The following CFAP47 variants were observed in gnomAD, a reference collection of about 807,000 sequenced individuals.
The protein encoded by CFAP47 is cilia and flagella associated protein 47, also known as cilia- and flagella-associated protein 47.
A neutral mutation model predicts 148.1 loss-of-function variants in CFAP47; 29 were observed. The observed-to-expected ratio is 0.20, with a 90% CI of 0.15 to 0.27. CFAP47 has a LOEUF of 0.27. CFAP47 is among the 10% of genes least tolerant of loss of function. The probability of loss-of-function intolerance (pLI) is 1.00; values close to 1 mark genes in which losing one functional copy is unlikely to be tolerated. For synonymous variants in CFAP47, 664 were observed against 577.3 expected (o/e 1.15, Z -2.15); for missense variants, 1,872 against 1,697.5 (o/e 1.10, Z -1.81).
In CFAP47 at chrX:35,997,328, C is replaced by G. The variant is rs1435505882; in HGVS notation, c.3116C>G (p.Ala1039Gly). ...CTAAATAAGGTTTCTATTCGTCATG[C>G]GAATGTTATAGACCTTAGGATTGGT... ...DTRAKVSIRH[A>G]NVIDLRIGGS... Residue 1039 changes from alanine to glycine, a missense_variant, in exon 19 of 64, where the codon GCG becomes GGG. Ala to Gly is a moderately conservative substitution (Grantham distance 60). Coordinates refer to ENST00000378653, the MANE Select transcript of CFAP47 (RefSeq NM_001304548.2). 3.4e-6 allele frequency: 1 copy of G among 294,720 alleles called. No homozygotes were observed. Among genetic ancestry groups the G allele is most frequent in the East Asian group, 4.8e-5 (1 of 20,854 alleles). The allele number at this position is 294,720 out of a possible 1,213,427, so 24.3% of individuals were successfully genotyped here. A position where few individuals can be genotyped will look rare whatever the true frequency, so the allele number is the denominator to read the frequency against.
intron 41 of CFAP47, 48 bp downstream of exon 41, chrX:36,188,738 A>C: frequency 3.4e-6 from 1 of 295,274 alleles, no homozygotes; most frequent in Non-Finnish European, 5.9e-6. Flanking sequence ...TCTGATTTTT[A>C]TATGCAAAGC....
chrX:36,376,923 C>T (rs1335842597), intron 62 of CFAP47, among the ~76,000 whole-genome samples: 1 of 109,612 alleles, frequency 9.1e-6, no homozygotes, highest in Non-Finnish European at 1.9e-5. Context: ...TGGTTTCTAG[C>T]TTCATCCGTG....
chrX:36,010,454 G>C (rs1335933875), intron 21 of CFAP47, among the ~76,000 whole-genome samples: 1 of 105,226 alleles, frequency 9.5e-6, no homozygotes, highest in Non-Finnish European at 1.9e-5. Context: ...CTAGTTTAAA[G>C]TTTTGTCGTT....
intron 26 of CFAP47, among the ~76,000 whole-genome samples, chrX:36,050,771 C>T (rs1937516518): frequency 8.9e-6 from 1 of 111,881 alleles, no homozygotes; most frequent in African/African-American, 3.3e-5. Flanking sequence ...TGTCAGAGAT[C>T]TTCACAGCAG....
intron 26 of CFAP47, among the ~76,000 whole-genome samples, chrX:36,053,040 T>G (rs770434722): frequency 8.9e-6 from 1 of 112,448 alleles, no homozygotes; most frequent in Non-Finnish European, 1.9e-5. Context: ...TTGGCAATGC[T>G]ACCTTAGGAA....
intron 19 of CFAP47, among the ~76,000 whole-genome samples, chrX:35,999,053 T>C (rs1656669515): frequency 8.9e-6 from 1 of 111,824 alleles, no homozygotes; most frequent in Non-Finnish European, 1.9e-5. Context: ...GGCTAAGGCA[T>C]TGACTATGTG....
chrX:36,209,328 T>G (rs782188475), intron 45 of CFAP47, among the ~76,000 whole-genome samples: 2 of 110,645 alleles, frequency 1.8e-5, no homozygotes, highest in Non-Finnish European at 3.8e-5. Flanking sequence ...ATTGAATTTC[T>G]TTAACTCACT....
At chrX:36,098,208 T>C (rs1938312181) in intron 30 of CFAP47, among the ~76,000 whole-genome samples, 1 of 112,099 alleles carries the variant, frequency 8.9e-6, no homozygotes, top group Admixed American at 9.5e-5. Context: ...TCTGAATTCC[T>C]TCTCCACGTT....
rs935642328 is a variant in CFAP47, at chrX:36,181,707, C to T, written c.6104+2285C>T. On this transcript the variant is annotated intron_variant, in intron 40 of 63. Transcript: ENST00000378653. ...TGATCCCAAATAGAGCAGTCAGGCT[C>T]ATGCAGATTAACTCTGCAAGAATAA... is the stretch of plus-strand genomic sequence containing the variant. Among the ~76,000 whole-genome samples the T allele has an allele frequency of 2.7e-5, 3 of 112,021 alleles. No homozygotes were observed. The Admixed American group carries it at 2.8e-4, about 11-fold the overall frequency.
intron 33 of CFAP47, among the ~76,000 whole-genome samples, chrX:36,128,004 G>T (rs761089565): frequency 9.0e-6 from 1 of 110,884 alleles, no homozygotes; most frequent in Admixed American, 9.6e-5. Flanking sequence ...CCGAGACGAT[G>T]GGGTTTTCTA....
At position 36,288,669 on chromosome X, in the gene CFAP47, G is replaced by A. The variant is rs782016694; in HGVS notation, c.7686+2943G>A. Among the ~76,000 whole-genome samples the A allele has an allele frequency of 2.7e-5, 3 of 111,633 alleles. No homozygotes were observed. The South Asian group carries it at 1.1e-3, about 42-fold the overall frequency. ...GATCCAGAAATCTCTCCACAAACTA[G>A]CAAAAGAGAAGGACAGTTAAAAACA... is the stretch of plus-strand genomic sequence containing the variant. On this transcript the variant is annotated intron_variant, in intron 51 of 63. Transcript: ENST00000378653.
At chrX:36,367,448 T>C (rs1342589976) in intron 62 of CFAP47, among the ~76,000 whole-genome samples, 2 of 112,185 alleles carry the variant, frequency 1.8e-5, no homozygotes, top group African/African-American at 3.2e-5. Context: ...CGTCAGATGG[T>C]TTAACTAAGC....
intron 37 of CFAP47, among the ~76,000 whole-genome samples, chrX:36,158,116 T>C (rs1269109326): frequency 8.9e-6 from 1 of 112,119 alleles, no homozygotes; most frequent in East Asian, 2.8e-4. Context: ...GTCTCACCCA[T>C]TCAACAGCAA....
Position 35,948,448 on chromosome X carries a change from G to A in CFAP47, c.652G>A (p.Ala218Thr), listed in dbSNP as rs974765358. 1 of 1,193,913 alleles carries A rather than the reference G, an allele frequency of 8.4e-7. No homozygotes were observed. The highest frequency in any genetic ancestry group is 1.1e-6 in the Non-Finnish European group (1 of 882,501). Residue 218 changes from alanine (A) to threonine (T), a missense_variant, in exon 4 of 64, where the codon GCA (alanine) becomes ACA (threonine). Coordinates refer to ENST00000378653, the MANE Select transcript of CFAP47 (RefSeq NM_001304548.2). Reference protein sequence around the residue: ...ADQPRIVDEEAIVILQGQPEM... With the variant: ...ADQPRIVDEETIVILQGQPEM... Reference sequence around the variant, plus strand: ...CCAGCCAAGAATTGTAGATGAAGAGGCAATGTGAGTATATACTGTGGTTCT... The same window carrying A: ...CCAGCCAAGAATTGTAGATGAAGAGACAATGTGAGTATATACTGTGGTTCT...
chrX:36,367,253 A>G (rs1941887266), intron 62 of CFAP47, 126 bp downstream of exon 62: 1 of 421,704 alleles, frequency 2.4e-6, no homozygotes, highest in Non-Finnish European at 3.8e-6. Flanking sequence ...TGGTTCTCTG[A>G]CTCAAAGCTT....
chrX:36,128,644 G>A (rs1041566129), intron 33 of CFAP47, among the ~76,000 whole-genome samples: 2 of 108,939 alleles, frequency 1.8e-5, no homozygotes, highest in African/African-American at 6.7e-5. Flanking sequence ...TATTAACTAT[G>A]GTATTTACTA....
At chrX:36,273,311 C>T (rs2146939198) in intron 49 of CFAP47, among the ~76,000 whole-genome samples, 1 of 111,480 alleles carries the variant, frequency 9.0e-6, no homozygotes, top group East Asian at 2.8e-4. Context: ...TTTGAAAAAT[C>T]AACCACTTAA....
chrX:36,269,490 T>A (rs1203482259), intron 49 of CFAP47, among the ~76,000 whole-genome samples: 1 of 112,288 alleles, frequency 8.9e-6, no homozygotes, highest in Non-Finnish European at 1.9e-5. Context: ...TTGCTTCGTG[T>A]TGGAAAGATC....
chrX:36,147,583 C>T (rs1939253063), intron 36 of CFAP47, among the ~76,000 whole-genome samples: 1 of 112,481 alleles, frequency 8.9e-6, no homozygotes, highest in Non-Finnish European at 1.9e-5. Context: ...AAAAAGATTA[C>T]CACACCACAG....
Sources: gnomAD v4.1 joint callset for allele counts (sites outside exome capture counted in the v4.1 genomes callset) on GRCh38, gnomAD v4.1.1 for gene constraint, MANE v1.5 for transcripts, NCBI Gene and HGNC (gene_info 2026-07-23, HGNC 2026-07-21) for gene names.